Variants in NSMAF observed in about 807,000 individuals in gnomAD.
NSMAF encodes neutral sphingomyelinase activation associated factor, also known as protein FAN.
In NSMAF, 90 loss-of-function variants were observed where a neutral mutation model predicts 134.9. The ratio of observed to expected loss-of-function variants is 0.67; its 90% CI spans 0.56 to 0.79. NSMAF has a LOEUF of 0.79. NSMAF is among the 30% of genes least tolerant of loss of function. The pLI is 0.00. For missense variants in NSMAF, 1,010 were observed against 1,119.0 expected, an observed-to-expected ratio of 0.90 and a Z score of 1.39; for synonymous variants, 358 against 389.6, an observed-to-expected ratio of 0.92 and a Z score of 0.96.
intron 9 of NSMAF, among the ~76,000 whole-genome samples, chr8:58,617,176 C>A (rs1447267464): frequency 6.6e-6 from 1 of 152,110 alleles, no homozygotes; most frequent in Non-Finnish European, 1.5e-5. Context: ...GGATTAAAGA[C>A]TTAAATGTTA....
chr8:58,659,521 G>T (rs1367027629), intron 1 of NSMAF, 52 bp downstream of exon 1: 3 of 1,449,938 alleles, frequency 2.1e-6, no homozygotes, highest in African/African-American at 3.0e-5. Context: ...GCGTCCCCAC[G>T]ACCGGCCCCG....
Position 58,627,119 on chromosome 8 carries a change from G to A in NSMAF, c.385-3339C>T, listed in dbSNP as rs368276731. Among the ~76,000 whole-genome samples the A allele has an allele frequency of 2.0e-5, 3 of 152,216 alleles. No homozygotes were observed. In the South Asian group the frequency reaches 6.2e-4, roughly 32 times the overall value. On this transcript the variant is annotated intron_variant, in intron 6 of 30. Coordinates refer to ENST00000038176, the MANE Select transcript of NSMAF (RefSeq NM_003580.4). ...AGATTCTGGATGTTAGTCCTTTGCC[G>A]GATGTGTGGTTTGCGAAAATTTTCT...
At chr8:58,652,209 T>G (rs927806023) in intron 1 of NSMAF, among the ~76,000 whole-genome samples, 1 of 152,146 alleles carries the variant, frequency 6.6e-6, no homozygotes. Flanking sequence ...GAGGAGATCT[T>G]AAAAGCAGTC....
chr8:58,591,184 T>C (rs115177564), intron 23 of NSMAF, among the ~76,000 whole-genome samples: 231 of 152,292 alleles, frequency 1.5e-3, no homozygotes, highest in African/African-American at 5.0e-3. Flanking sequence ...GTAGGTATAC[T>C]GTTGACATTT....
intron 30 of NSMAF, among the ~76,000 whole-genome samples, chr8:58,585,108 A>C (rs1805853409): frequency 6.6e-6 from 1 of 152,210 alleles, no homozygotes; most frequent in Non-Finnish European, 1.5e-5. Flanking sequence ...GTAAGCAAAC[A>C]ATCTAGTGAA....
intron 2 of NSMAF, among the ~76,000 whole-genome samples, chr8:58,636,232 T>G (rs1807170909): frequency 6.6e-6 from 1 of 152,200 alleles, no homozygotes; most frequent in African/African-American, 2.4e-5. Flanking sequence ...TGGTCACTCT[T>G]GTCTTGTGTA....
At position 58,602,130 on chromosome 8, in the gene NSMAF, T is replaced by C; in HGVS notation, c.1053A>G (p.Ser351=). The part of the protein sequence containing the change: ...HDYSSSELDL[S]NPGTFRDLSK... ...TGAGATCCCGGAAGGTTCCTGGATT[T>C]GACAAATCTATAAACATAAATCAAT... The change falls in exon 14 of 31, where the codon TCA becomes TCG. Residue 351 remains serine (S), a synonymous_variant. Coordinates refer to ENST00000038176, the MANE Select transcript of NSMAF (RefSeq NM_003580.4). The C allele has an allele frequency of 4.3e-6, 7 of 1,612,550 alleles. No homozygotes were observed. The highest frequency in any genetic ancestry group is 5.9e-6 in the Non-Finnish European group (7 of 1,178,718).
chr8:58,613,294 C>T (rs986159362), intron 9 of NSMAF, among the ~76,000 whole-genome samples: 1 of 151,890 alleles, frequency 6.6e-6, no homozygotes, highest in Non-Finnish European at 1.5e-5. Context: ...ATGGATTATG[C>T]ATAAATTAGC....
chr8:58,594,847 T>C (rs949833523), intron 22 of NSMAF: 2 of 155,540 alleles, frequency 1.3e-5, no homozygotes, highest in Admixed American at 6.4e-5. Context: ...GAGGCTGGAC[T>C]GTGATGTGAA....
Position 58,587,695 on chromosome 8 carries a change from A to T in NSMAF, c.2218T>A (p.Ser740Thr). 6.2e-7 allele frequency: 1 copy of T among 1,613,978 alleles called. No individual in the cohort carries two copies. The highest frequency in any genetic ancestry group is 8.5e-7 in the Non-Finnish European group (1 of 1,179,864). ...CCTGGCATCTCTGCAGGAACACCAGACCACACCTAGGATGGAACATATTGC... is the reference window on the plus strand; with the variant it reads ...CCTGGCATCTCTGCAGGAACACCAGTCCACACCTAGGATGGAACATATTGC... The part of the protein sequence containing the change: ...ASWDSTVKVW[S>T]GVPAEMPGTK... Residue 740 changes from serine (S) to threonine (T), a missense_variant, in exon 27 of 31, where the codon TCT becomes ACT. By Grantham distance (58) the Ser-to-Thr change is moderately conservative. Transcript: ENST00000038176.
chr8:58,600,160 C>G (rs138561357), intron 16 of NSMAF, 139 bp from the exon 17 acceptor site: 197 of 651,176 alleles, frequency 3.0e-4, no homozygotes, highest in Non-Finnish European at 4.6e-4. Flanking sequence ...AACCATCTCT[C>G]TGAGTGTCCC....
intron 9 of NSMAF, among the ~76,000 whole-genome samples, chr8:58,618,864 C>G (rs1336820194): frequency 6.6e-6 from 1 of 151,954 alleles, no homozygotes; most frequent in African/African-American, 2.4e-5. Context: ...ACCTTTTTTT[C>G]TTCTAGAGAA....
chr8:58,623,873 T>C, intron 6 of NSMAF, 93 bp from the exon 7 acceptor site: 1 of 975,122 alleles, frequency 1.0e-6, no homozygotes, highest in Non-Finnish European at 1.6e-6. Flanking sequence ...CCTGCTATGA[T>C]AAAATCTGCA....
Position 58,585,892 on chromosome 8 carries a change from C to G in NSMAF, c.2549+6G>C. On this transcript the variant is annotated splice_donor_region_variant and intron_variant, in intron 29 of 30. Transcript: ENST00000038176. ...GTCTTCGCCCCCAGTAACTCACAAA[C>G]TATACCTCTGGGGCTCATCTGATGT... 6.2e-7 allele frequency: 1 copy of G among 1,611,978 alleles called. No individual in the cohort carries two copies. The highest frequency in any genetic ancestry group is 8.5e-7 in the Non-Finnish European group (1 of 1,178,270).
chr8:58,635,211 C>T lies in NSMAF; in HGVS notation c.311G>A (p.Gly104Asp), dbSNP rs1321768693. ...NRHFTKAKSG[G>D]ISLIFSQVYF... ...TACCTGACTGAAAATGAGTGAAATA[C>T]CCCCAGATTTTGCCCTAAAATACAG... Residue 104 changes from glycine to aspartate, a missense_variant, in exon 5 of 31, where the codon GGT becomes GAT. Transcript: ENST00000038176. 1 of 1,610,792 alleles carries T rather than the reference C, an allele frequency of 6.2e-7. No homozygotes were observed. Among genetic ancestry groups the T allele is most frequent in the Non-Finnish European group, 8.5e-7 (1 of 1,177,794 alleles).
At chr8:58,633,573 C>T (rs762798371) in intron 5 of NSMAF, among the ~76,000 whole-genome samples, 30 of 152,168 alleles carry the variant, frequency 2.0e-4, no homozygotes, top group Non-Finnish European at 4.3e-4. Context: ...AAAGTAAAGT[C>T]CATGGAGCAA....
intron 9 of NSMAF, among the ~76,000 whole-genome samples, chr8:58,621,960 G>A (rs1806796243): frequency 6.6e-6 from 1 of 152,126 alleles, no homozygotes; most frequent in Admixed American, 6.5e-5. Flanking sequence ...CTGTTTAAAA[G>A]CTCTTTAGTT....
chr8:58,606,078 TTCATC>T (rs756212851), intron 11 of NSMAF, 43 bp from the exon 12 acceptor site: 6 of 932,728 alleles, frequency 6.4e-6, no homozygotes, highest in Non-Finnish European at 9.1e-6. Flanking sequence ...TAGCATTGTA[TTCATC>T]TTGCAATCCC....
chr8:58,606,827 T>C (rs1806421149), intron 11 of NSMAF, among the ~76,000 whole-genome samples: 1 of 152,136 alleles, frequency 6.6e-6, no homozygotes, highest in African/African-American at 2.4e-5. Flanking sequence ...ACCTGTAAAA[T>C]ACAATACTAT....
Sources: gnomAD v4.1 joint callset for allele counts (sites outside exome capture counted in the v4.1 genomes callset) on GRCh38, gnomAD v4.1.1 for gene constraint, MANE v1.5 for transcripts, NCBI Gene and HGNC (gene_info 2026-07-23, HGNC 2026-07-21) for gene names.